CCT7: variants seen among roughly 807,000 people sequenced by gnomAD.
The protein encoded by CCT7 is T-complex protein 1 subunit eta.
In CCT7, 16 loss-of-function variants were observed where a neutral mutation model predicts 56.6. That is an observed-to-expected ratio of 0.28 (90% CI 0.19 to 0.43). The LOEUF (loss-of-function observed/expected upper bound fraction) is 0.43, where lower values mean the gene tolerates loss of function less well. Ranked by LOEUF, CCT7 falls within the 20% of genes least tolerant of loss-of-function variation. The pLI is 1.00. For synonymous variants in CCT7, 262 were observed against 254.8 expected (o/e 1.03, Z -0.27); for missense variants, 519 against 685.6 (o/e 0.76, Z 2.71).
intron 5 of CCT7, 33 bp downstream of exon 5, chr2:73,244,082 T>TA (rs760929700): frequency 1.4e-6 from 2 of 1,449,628 alleles, no homozygotes; most frequent in Non-Finnish European, 1.9e-6. Context: ...TTTTTTTTTT[T>TA]AAAGAGACGG....
Position 73,250,159 on chromosome 2 carries a change from G to T in CCT7, c.1071-147G>T, listed in dbSNP as rs949611335. ...GTGGTACAGCTGCAGACCTTTCCAA[G>T]AAAATGTCTATAAGGTTGGGATTGG... On this transcript the variant is annotated intron_variant, in intron 9 of 11. Transcript: ENST00000258091. 4 of 1,016,878 alleles carry T rather than the reference G, an allele frequency of 3.9e-6. No individual in the cohort carries two copies. In the African/African-American group the frequency reaches 6.4e-5, roughly 16 times the overall value. The allele number at this position is 1,016,878 out of a possible 1,614,324, so 63.0% of individuals were successfully genotyped here.
intron 11 of CCT7, 130 bp downstream of exon 11, chr2:73,251,562 C>T: frequency 4.1e-6 from 3 of 739,792 alleles, no homozygotes; most frequent in Non-Finnish European, 2.3e-6. Flanking sequence ...AGCCTGTCTG[C>T]CTGACCAACT....
intron 6 of CCT7, among the ~76,000 whole-genome samples, chr2:73,245,956 T>C (rs1687314862): frequency 6.6e-6 from 1 of 152,166 alleles, no homozygotes; most frequent in Non-Finnish European, 1.5e-5. Context: ...CTTCCATAAA[T>C]GGTTGAGATT....
chr2:73,249,770 C>G, intron 8 of CCT7, 49 bp from the exon 9 acceptor site: 4 of 1,333,650 alleles, frequency 3.0e-6, no homozygotes, highest in Non-Finnish European at 4.3e-6. Flanking sequence ...AGGAAGCTGC[C>G]TGGCCTCGGG....
chr2:73,238,132 C>T (rs1686957032), intron 1 of CCT7, among the ~76,000 whole-genome samples: 1 of 152,088 alleles, frequency 6.6e-6, no homozygotes, highest in Non-Finnish European at 1.5e-5. Context: ...AGGGTCTTGC[C>T]ATGTTCCCCA....
intron 9 of CCT7, among the ~76,000 whole-genome samples, 190 bp downstream of exon 9, chr2:73,250,106 C>T (rs553187233): frequency 6.6e-6 from 1 of 152,182 alleles, no homozygotes; most frequent in Non-Finnish European, 1.5e-5. Context: ...GATCTAAAAG[C>T]CTTGACTCCA....
At chr2:73,243,490 A>G (rs894450533) in intron 4 of CCT7, among the ~76,000 whole-genome samples, 2 of 152,198 alleles carry the variant, frequency 1.3e-5, no homozygotes, top group Non-Finnish European at 2.9e-5. Context: ...ATCTGGGGCA[A>G]GTCATTTAAT....
intron 3 of CCT7, among the ~76,000 whole-genome samples, 158 bp downstream of exon 3, chr2:73,240,701 C>T (rs1461026003): frequency 6.6e-6 from 1 of 152,084 alleles, no homozygotes; most frequent in Non-Finnish European, 1.5e-5. Context: ...TTTTAAAATT[C>T]ATACTATTTC....
chr2:73,239,887 C>T, intron 2 of CCT7, 91 bp downstream of exon 2: 5 of 1,120,086 alleles, frequency 4.5e-6, no homozygotes, highest in Non-Finnish European at 6.5e-6. Context: ...TCAGAAATCC[C>T]ACTGCTTTTA....
Position 73,252,806 on chromosome 2 carries a change from CTG to C in CCT7, c.1580_1581del (p.Val527GlyfsTer47), listed in dbSNP as rs1241558790. ...GAAACCATCAAGAACCCCCGCTCGA[CTG>C]TGGATGCTCCCACAGCAGCAGGCCG... On this transcript the variant is annotated frameshift_variant, in exon 12 of 12. Coordinates refer to ENST00000258091, the MANE Select transcript of CCT7 (RefSeq NM_006429.4). LOFTEE classifies it high-confidence loss of function. 1.2e-6 allele frequency: 2 copies of C among 1,614,054 alleles called. No homozygotes were observed. Among genetic ancestry groups the C allele is most frequent in the Non-Finnish European group, 8.5e-7 (1 of 1,180,046 alleles).
chr2:73,238,513 G>C (rs957806630), intron 1 of CCT7, among the ~76,000 whole-genome samples: 12 of 152,258 alleles, frequency 7.9e-5, no homozygotes, highest in African/African-American at 2.9e-4. Context: ...GTGCTTTCCT[G>C]TGCCTTCCTT....
At chr2:73,234,466 A>G in intron 1 of CCT7, 82 bp downstream of exon 1, 1 of 1,514,768 alleles carries the variant, frequency 6.6e-7, no homozygotes, top group Non-Finnish European at 9.1e-7. Flanking sequence ...CTTGCTCTGT[A>G]GGACCCTCTT....
At chr2:73,243,162 C>A (rs949123762) in intron 4 of CCT7, 33 bp downstream of exon 4, 1 of 1,602,906 alleles carries the variant, frequency 6.2e-7, no homozygotes, top group Non-Finnish European at 8.5e-7. Context: ...TCTCTTGGGC[C>A]TGGACACCTT....
intron 4 of CCT7, 139 bp from the exon 5 acceptor site, chr2:73,243,858 C>G (rs2103784133): frequency 2.7e-6 from 2 of 732,076 alleles, no homozygotes; most frequent in South Asian, 3.3e-5. Context: ...GTTACAAGAC[C>G]TAGAAGTGTT....
At position 73,250,051 on chromosome 2, in the gene CCT7, C is replaced by T. The variant is rs1687506496; in HGVS notation, c.1070+135C>T. 4.0e-6 allele frequency: 3 copies of T among 744,762 alleles called. No homozygotes were observed. The East Asian group carries it at 7.5e-5, about 19-fold the overall frequency. 46.1% of individuals were successfully genotyped at this position (744,762 alleles called of 1,614,324 possible). On this transcript the variant is annotated intron_variant, in intron 9 of 11. Transcript: ENST00000258091. ...GGTATACAGCTTTTACAGAGTCTCA[C>T]CTTTGAGCCATAAAGAGCTCAGATA...
Position 73,250,719 on chromosome 2 carries a change from A to T in CCT7, c.1203+281A>T, listed in dbSNP as rs78339323. Among the ~76,000 whole-genome samples the T allele has an allele frequency of 8.0e-3, 1,217 of 152,122 alleles. 24 individuals are homozygous for T. The highest frequency in any genetic ancestry group is 0.027 in the African/African-American group (1,139 of 41,488). ...TGGAAGGCCGAGATGGGAGGGTTGC[A>T]TAAGACCAAGAGTTTGACACCAGCC... is the stretch of plus-strand genomic sequence containing the variant. On this transcript the variant is annotated intron_variant, in intron 10 of 11. Transcript: ENST00000258091.
At chr2:73,249,748 A>T in intron 8 of CCT7, 71 bp from the exon 9 acceptor site, 1 of 1,032,556 alleles carries the variant, frequency 9.7e-7, no homozygotes, top group Non-Finnish European at 1.5e-6. Flanking sequence ...ATTGGCTTTG[A>T]GACGAGGTGG....
chr2:73,238,054 T>C (rs751780803), intron 1 of CCT7, among the ~76,000 whole-genome samples: 1 of 152,184 alleles, frequency 6.6e-6, no homozygotes, highest in African/African-American at 2.4e-5. Context: ...GAATAATATA[T>C]TAAATTACTC....
chr2:73,250,276 C>A (rs1045859375), intron 9 of CCT7, 30 bp from the exon 10 acceptor site: 1 of 1,613,210 alleles, frequency 6.2e-7, no homozygotes, highest in South Asian at 1.1e-5. Context: ...GACAAGAGTT[C>A]ATGTGTGTAC....
Sources: gnomAD v4.1 joint callset for allele counts (sites outside exome capture counted in the v4.1 genomes callset) on GRCh38, gnomAD v4.1.1 for gene constraint, MANE v1.5 for transcripts, NCBI Gene and HGNC (gene_info 2026-07-23, HGNC 2026-07-21) for gene names.